AP3B1: variants seen among roughly 807,000 people sequenced by gnomAD.
AP3B1 encodes adaptor related protein complex 3 subunit beta 1, also known as AP-3 complex subunit beta-1.
Under a neutral mutation model 132.5 loss-of-function variants are expected in AP3B1, and 61 were observed. The ratio of observed to expected loss-of-function variants is 0.46; its 90% CI spans 0.37 to 0.57. The LOEUF is 0.57. AP3B1 is among the 20% of genes least tolerant of loss of function. The probability of loss-of-function intolerance (pLI) is 0.00; values close to 1 mark genes in which losing one functional copy is unlikely to be tolerated. For synonymous variants in AP3B1, 388 were observed against 438.3 expected, an observed-to-expected ratio of 0.89 and a Z score of 1.43; for missense variants, 1,120 against 1,289.4, an observed-to-expected ratio of 0.87 and a Z score of 2.01.
intron 18 of AP3B1, among the ~76,000 whole-genome samples, chr5:78,114,504 T>A (rs1751736748): frequency 6.6e-6 from 1 of 152,214 alleles, no homozygotes; most frequent in African/African-American, 2.4e-5. Flanking sequence ...ATGATCAAGT[T>A]ACACTGAGGA....
At chr5:78,102,347 A>G (rs1351931322) in intron 20 of AP3B1, among the ~76,000 whole-genome samples, 2 of 152,046 alleles carry the variant, frequency 1.3e-5, no homozygotes, top group African/African-American at 4.8e-5. Context: ...AGGACCACAT[A>G]ATAATATACA....
intron 2 of AP3B1, among the ~76,000 whole-genome samples, chr5:78,259,497 CA>C (rs1305395236): frequency 6.6e-6 from 1 of 152,040 alleles, no homozygotes; most frequent in Non-Finnish European, 1.5e-5. Flanking sequence ...TGTAATTGTA[CA>C]TTTTAAAATA....
chr5:78,215,208 C>CT (rs959445908), intron 7 of AP3B1, among the ~76,000 whole-genome samples: 582 of 142,758 alleles, frequency 4.1e-3, no homozygotes, highest in African/African-American at 0.011. Context: ...TTTTAAAAAT[C>CT]TTTTTTTTTT....
intron 22 of AP3B1, among the ~76,000 whole-genome samples, chr5:78,051,923 C>T (rs928346739): frequency 6.6e-6 from 1 of 152,098 alleles, no homozygotes; most frequent in African/African-American, 2.4e-5. Flanking sequence ...AGTATTGTCT[C>T]ATTTATCCTA....
At chr5:78,212,729 A>C (rs1315237094) in intron 7 of AP3B1, among the ~76,000 whole-genome samples, 2 of 152,142 alleles carry the variant, frequency 1.3e-5, no homozygotes, top group African/African-American at 4.8e-5. Flanking sequence ...TTGTCTTTTT[A>C]TTCTATAATC....
intron 14 of AP3B1, among the ~76,000 whole-genome samples, chr5:78,149,067 G>C (rs1012934527): frequency 6.6e-6 from 1 of 152,156 alleles, no homozygotes; most frequent in Non-Finnish European, 1.5e-5. Context: ...GGTAGACATT[G>C]ATCATGTCAC....
At chr5:78,036,961 G>A (rs1208739690) in intron 23 of AP3B1, among the ~76,000 whole-genome samples, 1 of 152,030 alleles carries the variant, frequency 6.6e-6, no homozygotes, top group Non-Finnish European at 1.5e-5. Flanking sequence ...AGTACATACT[G>A]CAGACAAAAG....
intron 14 of AP3B1, among the ~76,000 whole-genome samples, chr5:78,143,548 T>A (rs1288132833): frequency 6.6e-6 from 1 of 152,146 alleles, no homozygotes; most frequent in Non-Finnish European, 1.5e-5. Context: ...AAAGACAACA[T>A]TTTTGAGCAG....
At chr5:78,046,338 C>T (rs1489052733) in intron 22 of AP3B1, among the ~76,000 whole-genome samples, 1 of 152,210 alleles carries the variant, frequency 6.6e-6, no homozygotes, top group Non-Finnish European at 1.5e-5. Context: ...GGGATCTAGG[C>T]AGCACGCCCC....
intron 22 of AP3B1, among the ~76,000 whole-genome samples, chr5:78,051,805 C>T (rs1403849840): frequency 2.0e-5 from 3 of 151,846 alleles, no homozygotes; most frequent in Admixed American, 1.3e-4. Flanking sequence ...ATAAAAATGA[C>T]GAGGTAAGAA....
intron 1 of AP3B1, among the ~76,000 whole-genome samples, chr5:78,272,577 C>T (rs1054550639): frequency 3.9e-5 from 6 of 151,992 alleles, no homozygotes; most frequent in Non-Finnish European, 7.4e-5. Context: ...GGATTTCATT[C>T]TATTAAGTAA....
intron 2 of AP3B1, among the ~76,000 whole-genome samples, chr5:78,248,671 T>C (rs924344824): frequency 6.6e-5 from 10 of 152,266 alleles, no homozygotes; most frequent in African/African-American, 2.2e-4. Flanking sequence ...ACCATTTTGA[T>C]TGGTCCGCCT....
At chr5:78,168,681 G>GACAT (rs1334681174) in intron 11 of AP3B1, among the ~76,000 whole-genome samples, 2 of 152,088 alleles carry the variant, frequency 1.3e-5, no homozygotes, top group Non-Finnish European at 2.9e-5. Flanking sequence ...TATAAACAAG[G>GACAT]ACATGTTCCA....
chr5:78,098,647 A>C (rs1308893585), intron 21 of AP3B1, among the ~76,000 whole-genome samples: 1 of 152,270 alleles, frequency 6.6e-6, no homozygotes, highest in Non-Finnish European at 1.5e-5. Context: ...TTAGTCCTAC[A>C]TCACAAGGAG....
chr5:78,277,051 A>G (rs1376621761), intron 1 of AP3B1, among the ~76,000 whole-genome samples: 1 of 152,162 alleles, frequency 6.6e-6, no homozygotes, highest in Non-Finnish European at 1.5e-5. Context: ...AAAACAGACT[A>G]ACATGTTTTG....
At chr5:78,194,174 G>T (rs150728577) in intron 7 of AP3B1, among the ~76,000 whole-genome samples, 1 of 152,192 alleles carries the variant, frequency 6.6e-6, no homozygotes, top group African/African-American at 2.4e-5. Flanking sequence ...TGGCTGTTAT[G>T]AAGCCTTTAA....
At chr5:78,208,654 C>A (rs1260898866) in intron 7 of AP3B1, among the ~76,000 whole-genome samples, 1 of 152,062 alleles carries the variant, frequency 6.6e-6, no homozygotes. Context: ...AATCAGGATC[C>A]TGTTATTTAA....
intron 16 of AP3B1, among the ~76,000 whole-genome samples, chr5:78,128,753 A>G (rs1396249127): frequency 5.9e-5 from 9 of 152,106 alleles, no homozygotes; most frequent in African/African-American, 2.2e-4. Context: ...ATATTAGTGT[A>G]CACAGAATAT....
intron 22 of AP3B1, among the ~76,000 whole-genome samples, chr5:78,076,959 G>A (rs1319078135): frequency 6.6e-6 from 1 of 152,104 alleles, no homozygotes; most frequent in African/African-American, 2.4e-5. Flanking sequence ...GTGCTTTTCT[G>A]AGTTCTCTGA....
Sources: allele counts gnomAD v4.1 joint callset (sites outside exome capture counted in the v4.1 genomes callset), GRCh38; gene constraint gnomAD v4.1.1; transcripts MANE v1.5; gene names NCBI Gene and HGNC (gene_info 2026-07-23, HGNC 2026-07-21).